The following ZBTB43 variants were observed in gnomAD, a reference collection of about 807,000 sequenced individuals.
ZBTB43 encodes zinc finger and BTB domain containing 43.
A neutral mutation model predicts 31.1 loss-of-function variants in ZBTB43; 6 were observed. The ratio of observed to expected loss-of-function variants is 0.19; its 90% CI spans 0.11 to 0.38. ZBTB43 has a LOEUF of 0.38. Ranked by LOEUF, ZBTB43 falls within the 10% of genes least tolerant of loss-of-function variation. The probability of loss-of-function intolerance (pLI) is 1.00; values close to 1 mark genes in which losing one functional copy is unlikely to be tolerated. For missense variants in ZBTB43, 379 were observed against 602.1 expected (o/e 0.63, Z 3.88); for synonymous variants, 212 against 221.7 (o/e 0.96, Z 0.39).
At chr9:126,819,279 ATT>A (rs71377975) in intron 2 of ZBTB43, among the ~76,000 whole-genome samples, 1,169 of 100,148 alleles carry the variant, frequency 0.012, 16 homozygotes, top group African/African-American at 0.04. Flanking sequence ...CGGATATTGC[ATT>A]TTTTTTTTTT....
intron 2 of ZBTB43, among the ~76,000 whole-genome samples, chr9:126,810,650 G>A (rs982472409): frequency 1.1e-4 from 16 of 151,704 alleles, no homozygotes; most frequent in Non-Finnish European, 2.4e-4. Context: ...ACAGGCATGG[G>A]CCACCATGCA....
Position 126,835,337 on chromosome 9 carries a change from T to G in ZBTB43, c.*1424T>G, listed in dbSNP as rs2032856745. The G allele has an allele frequency of 1.8e-5, 3 of 167,114 alleles. No homozygotes were observed. In the South Asian group the frequency reaches 6.2e-4, roughly 35 times the overall value. The allele number at this position is 167,114 out of a possible 1,614,324, so 10.4% of individuals were successfully genotyped here. A position where few individuals can be genotyped will look rare whatever the true frequency, so the allele number is the denominator to read the frequency against. ...ATATTGCACATGCTTTTAAGCTGTG[T>G]AACATACCTGAGGTTATCACCAGGG... On this transcript the variant is annotated 3_prime_UTR_variant, in exon 3 of 3. Coordinates refer to ENST00000373464, the MANE Select transcript of ZBTB43 (RefSeq NM_014007.4).
chr9:126,828,308 C>A (rs1405010134), intron 2 of ZBTB43, among the ~76,000 whole-genome samples: 1 of 151,752 alleles, frequency 6.6e-6, no homozygotes, highest in Non-Finnish European at 1.5e-5. Context: ...CTCAGCCTCC[C>A]AAGTAACTGG....
In ZBTB43 at chr9:126,833,366, G is replaced by T; in HGVS notation, c.857G>T (p.Gly286Val). ...VQTEHTVQPS[G>V]VEEDFHIGEK... Reference sequence around the variant, plus strand: ...ACAGAGCACACGGTGCAGCCTTCGGGAGTGGAGGAGGACTTCCACATCGGG... The same window carrying T: ...ACAGAGCACACGGTGCAGCCTTCGGTAGTGGAGGAGGACTTCCACATCGGG... The change falls in exon 3 of 3, where the codon GGA becomes GTA. Residue 286 changes from glycine to valine, a missense_variant. By Grantham distance (109) the Gly-to-Val change is moderately radical. Transcript: ENST00000373464. The surrounding 1 kb of genome is among the most constrained non-coding windows in gnomAD (Gnocchi z 7.9). 1 of 1,613,390 alleles carries T rather than the reference G, an allele frequency of 6.2e-7. No homozygotes were observed. Among genetic ancestry groups the T allele is most frequent in the Non-Finnish European group, 8.5e-7 (1 of 1,179,674 alleles).
At chr9:126,814,369 A>G (rs1277620791) in intron 2 of ZBTB43, among the ~76,000 whole-genome samples, 1 of 151,426 alleles carries the variant, frequency 6.6e-6, no homozygotes, top group African/African-American at 2.4e-5. Flanking sequence ...TGAAATTTAC[A>G]AAGTAAATTT....
intron 2 of ZBTB43, among the ~76,000 whole-genome samples, chr9:126,821,634 G>A (rs1004496157): frequency 2.0e-5 from 3 of 152,182 alleles, no homozygotes. Flanking sequence ...TATTGCAAAG[G>A]CATGGTAAAA....
intron 2 of ZBTB43, among the ~76,000 whole-genome samples, chr9:126,829,809 A>T (rs1302844086): frequency 8.5e-5 from 13 of 152,158 alleles, no homozygotes; most frequent in Admixed American, 1.3e-4. Flanking sequence ...TCTAGCAGAG[A>T]ATCTGTTCAC....
In ZBTB43 at chr9:126,832,640, T is replaced by G. The variant is rs775595302; in HGVS notation, c.131T>G (p.Phe44Cys). The change falls in exon 3 of 3, where the codon TTC becomes TGC. Residue 44 changes from phenylalanine to cysteine, a missense_variant. Phe to Cys is a radical substitution (Grantham distance 205). Around this residue, in one of 5 missense-constraint regions of ZBTB43, gnomAD observed 79 missense variants for 134.4 expected, o/e 0.59. Transcript: ENST00000373464. ...DVSIVVQGHI[F>C]RAHKAVLAAS... ...TCCATTGTTGTCCAAGGCCACATTTTCCGGGCACACAAAGCCGTTCTTGCT... is the reference window on the plus strand; with the variant it reads ...TCCATTGTTGTCCAAGGCCACATTTGCCGGGCACACAAAGCCGTTCTTGCT... 1 of 1,614,150 alleles carries G rather than the reference T, an allele frequency of 6.2e-7. No individual in the cohort carries two copies. Among genetic ancestry groups the G allele is most frequent in the Non-Finnish European group, 8.5e-7 (1 of 1,180,030 alleles).
chr9:126,816,511 T>C (rs2032389338), intron 2 of ZBTB43, among the ~76,000 whole-genome samples: 1 of 152,260 alleles, frequency 6.6e-6, no homozygotes, highest in South Asian at 2.1e-4. Flanking sequence ...TGCTATTTTT[T>C]CTTTTTGATA....
chr9:126,807,130 T>C (rs1192458213), intron 1 of ZBTB43, among the ~76,000 whole-genome samples: 4 of 152,246 alleles, frequency 2.6e-5, no homozygotes, highest in Non-Finnish European at 5.9e-5. Context: ...TCTAATAAGA[T>C]ATCACAACTG....
chr9:126,826,454 C>CTTTTTTTTTT lies in ZBTB43; in HGVS notation c.-23-6015_-23-6006dup, dbSNP rs35094731. Among the ~76,000 whole-genome samples, 6 of 53,598 alleles carry CTTTTTTTTTT rather than the reference C, an allele frequency of 1.1e-4. 1 individual carries two copies. In the East Asian group the frequency reaches 5.0e-3, roughly 44 times the overall value. 35.2% of individuals were successfully genotyped at this position (53,598 alleles called of 152,430 possible). A position where few individuals can be genotyped will look rare whatever the true frequency, so the allele number is the denominator to read the frequency against. ...GCGCCACCACTCCTGGCCCCCCCGCCTTTTTTTTTTTTTTTTTTTTTTTTT... is the reference window on the plus strand; with the variant it reads ...GCGCCACCACTCCTGGCCCCCCCGCCTTTTTTTTTTTTTTTTTTTTTTTTTTTTTTTTTTT... On this transcript the variant is annotated intron_variant, in intron 2 of 2. Transcript: ENST00000373464.
At chr9:126,814,794 A>T (rs1042756428) in intron 2 of ZBTB43, among the ~76,000 whole-genome samples, 5 of 152,218 alleles carry the variant, frequency 3.3e-5, no homozygotes, top group African/African-American at 1.2e-4. Flanking sequence ...CTCTGTCTAA[A>T]AAAGAAAGAA....
chr9:126,810,737 T>C (rs949902063), intron 2 of ZBTB43, among the ~76,000 whole-genome samples: 1 of 150,848 alleles, frequency 6.6e-6, no homozygotes, highest in Non-Finnish European at 1.5e-5. Flanking sequence ...TCTTTTGACC[T>C]GGTGATCCGC....
At chr9:126,827,024 A>G (rs184665677) in intron 2 of ZBTB43, among the ~76,000 whole-genome samples, 1 of 152,210 alleles carries the variant, frequency 6.6e-6, no homozygotes, top group East Asian at 1.9e-4. Context: ...TACTGTGGTA[A>G]CTCTGGAAAT....
At chr9:126,828,187 A>T (rs1004819996) in intron 2 of ZBTB43, among the ~76,000 whole-genome samples, 1 of 151,280 alleles carries the variant, frequency 6.6e-6, no homozygotes, top group African/African-American at 2.4e-5. Flanking sequence ...TTTATTATTT[A>T]TTTATTTTTT....
chr9:126,828,539 C>G (rs1240196923), intron 2 of ZBTB43, among the ~76,000 whole-genome samples: 2 of 149,806 alleles, frequency 1.3e-5, no homozygotes, highest in Non-Finnish European at 3.0e-5. Context: ...ATACCTGTAG[C>G]CCCAGCACTC....
intron 1 of ZBTB43, among the ~76,000 whole-genome samples, chr9:126,808,486 T>G (rs771276027): frequency 6.6e-6 from 1 of 152,242 alleles, no homozygotes; most frequent in Non-Finnish European, 1.5e-5. Flanking sequence ...TCTGCAAAAT[T>G]ACATAGTCAT....
In ZBTB43 at chr9:126,833,283, G is replaced by A. The variant is rs943626112; in HGVS notation, c.774G>A (p.Met258Ile). The A allele has an allele frequency of 1.2e-6, 2 of 1,613,488 alleles. No homozygotes were observed. The change falls in exon 3 of 3, where the codon ATG (methionine) becomes ATA (isoleucine). Residue 258 changes from methionine to isoleucine, a missense_variant. Met to Ile is a conservative substitution (Grantham distance 10). Coordinates refer to ENST00000373464, the MANE Select transcript of ZBTB43 (RefSeq NM_014007.4). The surrounding 1 kb of genome is among the most constrained non-coding windows in gnomAD (Gnocchi z 7.9). ...GCTTAGAACAGGCTTGCGAGGGCATGGATGTGCACGCGACCTACGACGAGC... is the reference window on the plus strand; with the variant it reads ...GCTTAGAACAGGCTTGCGAGGGCATAGATGTGCACGCGACCTACGACGAGC... ...PERLEQACEG[M>I]DVHATYDEHQ... is the part of the protein sequence containing the mutation.
rs1232650477 is a variant in ZBTB43 at position 126,835,794 on chromosome 9, CTT to C, written c.*1882_*1883del. 1.2e-5 allele frequency: 2 copies of C among 166,478 alleles called. No homozygotes were observed. Among genetic ancestry groups the C allele is most frequent in the Non-Finnish European group, 2.9e-5 (2 of 68,076 alleles). 10.3% of individuals were successfully genotyped at this position (166,478 alleles called of 1,614,324 possible). The stretch of plus-strand genomic sequence containing the variant: ...GTTGTTTGCCACATTAATAGCTTCT[CTT>C]AGTATTGAAACGTTACTGGTTAGCA... On this transcript the variant is annotated 3_prime_UTR_variant, in exon 3 of 3. Transcript: ENST00000373464.
Sources: allele counts gnomAD v4.1 joint callset (sites outside exome capture counted in the v4.1 genomes callset), GRCh38; gene constraint gnomAD v4.1.1; regional missense constraint gnomAD v4.1.1; non-coding constraint Gnocchi (gnomAD v3.1); transcripts MANE v1.5; gene names NCBI Gene and HGNC (gene_info 2026-07-23, HGNC 2026-07-21).